The following FANCC variants were observed in gnomAD, a reference collection of about 807,000 sequenced individuals.
The protein encoded by FANCC is Fanconi anemia group C protein.
FANCC carries 55 observed loss-of-function variants against 71.3 expected under a neutral mutation model. The ratio of observed to expected loss-of-function variants is 0.77; its 90% CI spans 0.62 to 0.97. The LOEUF is 0.97. Among genes scored for constraint, FANCC ranks in the 50% least tolerant of loss-of-function variants. The pLI is 0.00. For missense variants in FANCC, 678 were observed against 670.9 expected, an observed-to-expected ratio of 1.01 and a Z score of -0.12; for synonymous variants, 275 against 244.9, an observed-to-expected ratio of 1.12 and a Z score of -1.15.
Position 95,179,253 on chromosome 9 carries a change from G to C in FANCC, c.346-7106C>G, listed in dbSNP as rs560146988. Among the ~76,000 whole-genome samples the C allele has an allele frequency of 3.3e-5, 5 of 152,230 alleles. No homozygotes were observed. The South Asian group carries it at 1.0e-3, about 32-fold the overall frequency. ...CATGTGCTCTATGAATCTGTACTTT[G>C]TTAGAAATACAAACTCTCAGACAAA... On this transcript the variant is annotated intron_variant, in intron 4 of 14. Coordinates refer to ENST00000289081, the MANE Select transcript of FANCC (RefSeq NM_000136.3).
At chr9:95,111,156 C>G in intron 13 of FANCC, 1 of 1,535,168 alleles carries the variant, frequency 6.5e-7, no homozygotes, top group Non-Finnish European at 8.7e-7. Flanking sequence ...CCTTGGAGGA[C>G]GCGACCCTGG....
chr9:95,223,747 C>T (rs926656956), intron 4 of FANCC, among the ~76,000 whole-genome samples: 4 of 152,112 alleles, frequency 2.6e-5, no homozygotes, highest in East Asian at 1.9e-4. Flanking sequence ...GAGGCCAAGG[C>T]GGGTGGATCA....
chr9:95,140,013 C>T (rs1007314570), intron 7 of FANCC, among the ~76,000 whole-genome samples: 1 of 151,854 alleles, frequency 6.6e-6, no homozygotes, highest in Non-Finnish European at 1.5e-5. Context: ...TTCCATCCAT[C>T]CTGCCTGGAA....
Position 95,240,629 on chromosome 9 carries a change from A to G in FANCC, c.345+20T>C, listed in dbSNP as rs757501990. ...ATCAATTTAATTCAAAGAAGTGCAGAGCAAGATTTACTCTCTTACCTGTAT... is the reference window on the plus strand; with the variant it reads ...ATCAATTTAATTCAAAGAAGTGCAGGGCAAGATTTACTCTCTTACCTGTAT... On this transcript the variant is annotated intron_variant, in intron 4 of 14. Transcript: ENST00000289081. 6.4e-7 allele frequency: 1 copy of G among 1,560,926 alleles called. No homozygotes were observed. Among genetic ancestry groups the G allele is most frequent in the Non-Finnish European group, 8.8e-7 (1 of 1,132,000 alleles).
chr9:95,244,485 C>G (rs1830822878), intron 3 of FANCC, among the ~76,000 whole-genome samples: 1 of 152,012 alleles, frequency 6.6e-6, no homozygotes, highest in African/African-American at 2.4e-5. Flanking sequence ...TGAGACCATC[C>G]TGGCTAACAC....
chr9:95,216,431 C>T (rs983114291), intron 4 of FANCC, among the ~76,000 whole-genome samples: 6 of 152,176 alleles, frequency 3.9e-5, no homozygotes, highest in Admixed American at 1.3e-4. Context: ...TAAAAATAGA[C>T]AGAAAATCAG....
At chr9:95,278,166 GTAATAA>G (rs1833157481) in intron 1 of FANCC, among the ~76,000 whole-genome samples, 1 of 152,116 alleles carries the variant, frequency 6.6e-6, no homozygotes, top group Non-Finnish European at 1.5e-5. Context: ...ACATGTTAAA[GTAATAA>G]TTAAAACATT....
intron 1 of FANCC, among the ~76,000 whole-genome samples, chr9:95,311,724 T>C (rs1311047145): frequency 6.6e-6 from 1 of 151,698 alleles, no homozygotes; most frequent in Non-Finnish European, 1.5e-5. Flanking sequence ...TGTGTGTGTG[T>C]GTGTGTGTGT....
chr9:95,135,414 C>CA lies in FANCC; in HGVS notation c.774dup (p.Glu259Ter). The CA allele has an allele frequency of 6.2e-7, 1 of 1,613,988 alleles. No individual in the cohort carries two copies. Among genetic ancestry groups the CA allele is most frequent in the East Asian group, 2.2e-5 (1 of 44,878 alleles). The stretch of plus-strand genomic sequence containing the variant: ...TTTCTCTCACTGGAGATTAGCTTTT[C>CA]AAAAAGATGCAGCATTGCTTTTTCA... On this transcript the variant is annotated frameshift_variant, in exon 8 of 15. Transcript: ENST00000289081. LOFTEE classifies it high-confidence loss of function.
At position 95,115,189 on chromosome 9, in the gene FANCC, G is replaced by A. The variant is rs534978696; in HGVS notation, c.1073-479C>T. Among the ~76,000 whole-genome samples, 5 of 152,232 alleles carry A rather than the reference G, an allele frequency of 3.3e-5. No individual in the cohort carries two copies. The South Asian group carries it at 1.0e-3, about 32-fold the overall frequency. Reference sequence around the variant, plus strand: ...ATTCCTGGGCTCAAGTGATCCTCCCGCCTTGGCCTCCCAAAGTGCTGGAAT... The same window carrying A: ...ATTCCTGGGCTCAAGTGATCCTCCCACCTTGGCCTCCCAAAGTGCTGGAAT... On this transcript the variant is annotated intron_variant, in intron 11 of 14. Transcript: ENST00000289081.
intron 1 of FANCC, among the ~76,000 whole-genome samples, chr9:95,312,857 C>T (rs1485590201): frequency 1.3e-5 from 2 of 152,194 alleles, no homozygotes; most frequent in African/African-American, 4.8e-5. Flanking sequence ...CCATGGCTCA[C>T]TGAATACGAG....
chr9:95,226,200 C>T (rs1020119210), intron 4 of FANCC, among the ~76,000 whole-genome samples: 2 of 152,212 alleles, frequency 1.3e-5, no homozygotes, highest in Non-Finnish European at 2.9e-5. Context: ...ACCACCAATT[C>T]TGCTACCCTA....
intron 4 of FANCC, among the ~76,000 whole-genome samples, chr9:95,209,749 A>G (rs1451113364): frequency 6.6e-6 from 1 of 152,082 alleles, no homozygotes. Context: ...AAAATCTCCA[A>G]TTCATCTGCT....
intron 1 of FANCC, among the ~76,000 whole-genome samples, chr9:95,277,463 C>A (rs1477287517): frequency 6.6e-6 from 1 of 152,132 alleles, no homozygotes; most frequent in Admixed American, 6.5e-5. Flanking sequence ...GTTGAAACAT[C>A]ACATTGCACC....
chr9:95,302,941 T>C (rs1834840952), intron 1 of FANCC, among the ~76,000 whole-genome samples: 1 of 152,246 alleles, frequency 6.6e-6, no homozygotes, highest in Admixed American at 6.5e-5. Flanking sequence ...TTCTTAGTGT[T>C]GTTTTAAAAC....
At chr9:95,288,914 T>C (rs756617113) in intron 1 of FANCC, among the ~76,000 whole-genome samples, 1 of 151,900 alleles carries the variant, frequency 6.6e-6, no homozygotes, top group Non-Finnish European at 1.5e-5. Context: ...CAGTTAACAG[T>C]GAGACCCCAT....
At chr9:95,150,293 G>A (rs1204327212) in intron 6 of FANCC, among the ~76,000 whole-genome samples, 1 of 152,160 alleles carries the variant, frequency 6.6e-6, no homozygotes, top group East Asian at 1.9e-4. Flanking sequence ...CTGTTTCAGT[G>A]TCATTCATGG....
intron 1 of FANCC, among the ~76,000 whole-genome samples, chr9:95,265,474 T>G (rs1268298389): frequency 1.3e-5 from 2 of 152,172 alleles, no homozygotes; most frequent in East Asian, 1.9e-4. Flanking sequence ...ATCTCTGACC[T>G]TGTTCTCCAT....
At chr9:95,317,360 C>G (rs1226956871) in intron 1 of FANCC, 166 bp downstream of exon 1, 3 of 150,406 alleles carry the variant, frequency 2.0e-5, no homozygotes, top group Non-Finnish European at 4.5e-5. Context: ...CAGCCCTGCG[C>G]CGGCGGGAAC....
Sources: allele counts gnomAD v4.1 joint callset (sites outside exome capture counted in the v4.1 genomes callset), GRCh38; gene constraint gnomAD v4.1.1; transcripts MANE v1.5; gene names NCBI Gene and HGNC (gene_info 2026-07-23, HGNC 2026-07-21).